EYA4: variants seen among roughly 807,000 people sequenced by gnomAD.
The protein encoded by EYA4 is EYA transcriptional coactivator and phosphatase 4, also known as protein phosphatase EYA4.
Under a neutral mutation model 87.9 loss-of-function variants are expected in EYA4, and 31 were observed. The observed-to-expected ratio is 0.35, with a 90% CI of 0.27 to 0.48. The LOEUF (loss-of-function observed/expected upper bound fraction) is 0.48, where lower values mean the gene tolerates loss of function less well. EYA4 is among the 20% of genes least tolerant of loss of function. EYA4 has a pLI of 0.99. For synonymous variants in EYA4, 263 were observed against 270.6 expected, an observed-to-expected ratio of 0.97 and a Z score of 0.28; for missense variants, 678 against 761.4, an observed-to-expected ratio of 0.89 and a Z score of 1.29.
intron 2 of EYA4, among the ~76,000 whole-genome samples, chr6:133,303,275 T>C (rs1779552576): frequency 2.0e-5 from 3 of 152,212 alleles, no homozygotes; most frequent in Admixed American, 1.3e-4. Context: ...TTATATTTGG[T>C]AGGACTAGAT....
rs1260901423 is a variant in EYA4 at position 133,528,788 on chromosome 6, G to C, written c.1903G>C (p.Glu635Gln). The C allele has an allele frequency of 6.2e-7, 1 of 1,613,628 alleles. No individual in the cohort carries two copies. The highest frequency in any genetic ancestry group is 8.5e-7 in the Non-Finnish European group (1 of 1,179,696). ...CCTCCTGGCTCTCCACCAAGCACTG[G>C]AATTAGAGTATTTGTAACTGTGTTC... Reference protein sequence around the residue: ...SDLLALHQALELEYL With the variant: ...SDLLALHQALQLEYL Residue 635 changes from glutamate (E) to glutamine (Q), a missense_variant, in exon 20 of 20, where the codon GAA (glutamate) becomes CAA (glutamine). Transcript: ENST00000355286.
Position 133,252,969 on chromosome 6 carries a change from ACACACACAC to A in EYA4, c.-66+11221_-66+11229del, listed in dbSNP as rs1476753041. On this transcript the variant is annotated intron_variant, in intron 1 of 19. Coordinates refer to ENST00000355286, the MANE Select transcript of EYA4 (RefSeq NM_004100.5). ...CACACACACACACACACACACACAC[ACACACACAC>A]ACACACACACACTCACTCTCTCTCT... 2.0e-3 allele frequency among the ~76,000 whole-genome samples: 302 copies of A among 150,182 alleles called. 1 individual carries two copies. Among genetic ancestry groups the A allele is most frequent in the African/African-American group, 6.9e-3 (282 of 41,078 alleles).
At chr6:133,361,203 T>C (rs1030856176) in intron 2 of EYA4, among the ~76,000 whole-genome samples, 1 of 152,236 alleles carries the variant, frequency 6.6e-6, no homozygotes, top group Non-Finnish European at 1.5e-5. Context: ...TGAACAACTT[T>C]AGAAGAAAGT....
At chr6:133,311,672 G>A (rs1254204563) in intron 2 of EYA4, among the ~76,000 whole-genome samples, 1 of 152,152 alleles carries the variant, frequency 6.6e-6, no homozygotes, top group Non-Finnish European at 1.5e-5. Context: ...TCAGTAGCTA[G>A]CTCCCTGTTG....
chr6:133,356,665 G>C (rs1412462160), intron 2 of EYA4, among the ~76,000 whole-genome samples: 2 of 151,812 alleles, frequency 1.3e-5, no homozygotes, highest in Admixed American at 6.6e-5. Context: ...AGAGTATAGT[G>C]AATGTGAAAG....
intron 3 of EYA4, among the ~76,000 whole-genome samples, chr6:133,424,263 T>C (rs548502158): frequency 2.0e-5 from 3 of 152,274 alleles, no homozygotes; most frequent in Non-Finnish European, 4.4e-5. Context: ...GGTCCATGGG[T>C]GGCCATTGGT....
At chr6:133,258,243 C>CT (rs567275057) in intron 1 of EYA4, among the ~76,000 whole-genome samples, 106 of 152,222 alleles carry the variant, frequency 7.0e-4, no homozygotes, top group Middle Eastern at 3.4e-3. Context: ...TTAGAGAGTA[C>CT]TGTAAGGACT....
intron 1 of EYA4, among the ~76,000 whole-genome samples, chr6:133,257,224 A>G (rs1265206066): frequency 6.6e-6 from 1 of 152,154 alleles, no homozygotes; most frequent in Non-Finnish European, 1.5e-5. Flanking sequence ...ATAAGAGTAG[A>G]GTGCATTAGA....
intron 2 of EYA4, among the ~76,000 whole-genome samples, chr6:133,372,214 A>AT (rs1011458165): frequency 2.0e-5 from 3 of 152,246 alleles, no homozygotes; most frequent in Admixed American, 6.5e-5. Flanking sequence ...TTCTGGTCAC[A>AT]TGCTTGTATG....
intron 3 of EYA4, among the ~76,000 whole-genome samples, chr6:133,408,884 A>C (rs1353030960): frequency 1.3e-5 from 2 of 152,220 alleles, no homozygotes; most frequent in Non-Finnish European, 1.5e-5. Context: ...GATAAGGCTC[A>C]TGGAGGTGTG....
At chr6:133,488,486 C>T (rs1483617436) in intron 13 of EYA4, among the ~76,000 whole-genome samples, 1 of 152,152 alleles carries the variant, frequency 6.6e-6, no homozygotes, top group Non-Finnish European at 1.5e-5. Flanking sequence ...CCAGCACAGT[C>T]CCAGGGTGGT....
intron 13 of EYA4, among the ~76,000 whole-genome samples, chr6:133,489,672 C>A (rs1256777782): frequency 6.6e-6 from 1 of 151,904 alleles, no homozygotes; most frequent in Admixed American, 6.6e-5. Context: ...TGACAATATC[C>A]TTCAAACATG....
intron 3 of EYA4, among the ~76,000 whole-genome samples, chr6:133,384,873 A>G (rs1312696530): frequency 6.6e-6 from 1 of 152,220 alleles, no homozygotes; most frequent in Non-Finnish European, 1.5e-5. Context: ...ATATGCATGT[A>G]CTGAGGTTCA....
At chr6:133,347,944 T>C (rs1275245142) in intron 2 of EYA4, among the ~76,000 whole-genome samples, 1 of 152,194 alleles carries the variant, frequency 6.6e-6, no homozygotes, top group East Asian at 1.9e-4. Context: ...TTTTTCCGTA[T>C]GATATGGTGG....
chr6:133,378,516 G>A (rs534350127), intron 2 of EYA4, among the ~76,000 whole-genome samples: 38 of 152,120 alleles, frequency 2.5e-4, no homozygotes, highest in Non-Finnish European at 4.6e-4. Context: ...ATATGTTTAT[G>A]AATTTTAGGT....
At chr6:133,268,050 A>G (rs9373041) in intron 1 of EYA4, among the ~76,000 whole-genome samples, 35,408 of 152,076 alleles carry the variant, frequency 0.23, 4,670 homozygotes, top group African/African-American at 0.35. Flanking sequence ...AATAATCCAA[A>G]AAACATGTAC....
At chr6:133,429,603 A>C (rs1790998994) in intron 3 of EYA4, among the ~76,000 whole-genome samples, 1 of 152,168 alleles carries the variant, frequency 6.6e-6, no homozygotes, top group Non-Finnish European at 1.5e-5. Flanking sequence ...CGATAAAGAT[A>C]ATAGCTAGAG....
At chr6:133,486,566 A>G (rs1796703847) in intron 13 of EYA4, among the ~76,000 whole-genome samples, 1 of 152,244 alleles carries the variant, frequency 6.6e-6, no homozygotes, top group Non-Finnish European at 1.5e-5. Context: ...AAACAAAAAA[A>G]AACACATTTC....
intron 5 of EYA4, 151 bp from the exon 6 acceptor site, chr6:133,456,405 G>A (rs1015884650): frequency 4.4e-5 from 30 of 687,652 alleles, no homozygotes; most frequent in South Asian, 6.4e-5. Context: ...ATGCATGCCC[G>A]TTTAGAAGCT....
Sources: gnomAD v4.1 joint callset for allele counts (sites outside exome capture counted in the v4.1 genomes callset) on GRCh38, gnomAD v4.1.1 for gene constraint, MANE v1.5 for transcripts, NCBI Gene and HGNC (gene_info 2026-07-23, HGNC 2026-07-21) for gene names.